The following NFE2L2 variants were observed in gnomAD, a reference collection of about 807,000 sequenced individuals.
The protein encoded by NFE2L2 is NFE2 like bZIP transcription factor 2, also known as nuclear factor erythroid 2-related factor 2.
NFE2L2 carries 20 observed loss-of-function variants against 49.6 expected under a neutral mutation model. The observed-to-expected ratio is 0.40, with a 90% CI of 0.28 to 0.59. The LOEUF (loss-of-function observed/expected upper bound fraction) is 0.59. Among genes scored for constraint, NFE2L2 ranks in the 20% least tolerant of loss-of-function variants. NFE2L2 has a pLI of 0.40. For missense variants in NFE2L2, 578 were observed against 714.2 expected (o/e 0.81, Z 2.17); for synonymous variants, 244 against 256.5 (o/e 0.95, Z 0.47).
At chr2:177,236,941 C>T (rs1689771492) in intron 1 of NFE2L2, among the ~76,000 whole-genome samples, 1 of 152,106 alleles carries the variant, frequency 6.6e-6, no homozygotes, top group Non-Finnish European at 1.5e-5. Flanking sequence ...AATCATGGCT[C>T]ACTGCAGCCT....
intron 1 of NFE2L2, among the ~76,000 whole-genome samples, chr2:177,237,509 A>G (rs1689790313): frequency 6.6e-6 from 1 of 152,040 alleles, no homozygotes; most frequent in Non-Finnish European, 1.5e-5. Flanking sequence ...AAAGGTATAG[A>G]GAAACCTACT....
intron 1 of NFE2L2, among the ~76,000 whole-genome samples, chr2:177,256,228 CA>C (rs1690517916): frequency 6.6e-6 from 1 of 152,042 alleles, no homozygotes; most frequent in Non-Finnish European, 1.5e-5. Flanking sequence ...GTTACCTTCA[CA>C]AAAGGCAACA....
At chr2:177,244,778 G>A (rs544650141) in intron 1 of NFE2L2, among the ~76,000 whole-genome samples, 16 of 152,084 alleles carry the variant, frequency 1.1e-4, no homozygotes, top group East Asian at 1.9e-4. Context: ...AGGCCGAGGC[G>A]GGCGGATCAC....
At chr2:177,232,722 T>C (rs1219977643) in intron 3 of NFE2L2, 139 bp from the exon 4 acceptor site, 5 of 773,238 alleles carry the variant, frequency 6.5e-6, no homozygotes, top group Non-Finnish European at 8.1e-6. Flanking sequence ...ACCCCGTTTG[T>C]AAATAACAAA....
rs759134591 is a variant in NFE2L2 at position 177,232,033 on chromosome 2, A to AT, written c.595-26dup. ...ACTGCATGAGAAGGAAGTTTATACT[A>AT]TATAAATCAAAGTTAATCCATGATA... On this transcript the variant is annotated intron_variant, in intron 4 of 4. Transcript: ENST00000397062. 3.2e-6 allele frequency: 5 copies of AT among 1,544,942 alleles called. No homozygotes were observed. In the South Asian group the frequency reaches 6.3e-5, roughly 20 times the overall value.
chr2:177,233,067 T>TTGTA, intron 3 of NFE2L2, 183 bp downstream of exon 3: 3 of 569,642 alleles, frequency 5.3e-6, no homozygotes, highest in South Asian at 5.1e-5. Flanking sequence ...TTTTTCTTAA[T>TTGTA]TGTAAAGTTA....
intron 1 of NFE2L2, among the ~76,000 whole-genome samples, chr2:177,253,350 C>T (rs1248463167): frequency 1.3e-5 from 2 of 152,192 alleles, no homozygotes; most frequent in Non-Finnish European, 2.9e-5. Context: ...ATTACGTAAG[C>T]ACCAGGCATG....
intron 1 of NFE2L2, among the ~76,000 whole-genome samples, chr2:177,236,833 GT>G (rs989431908): frequency 5.3e-5 from 8 of 151,568 alleles, no homozygotes; most frequent in East Asian, 1.9e-4. Flanking sequence ...ATTTTTTCGG[GT>G]TTTTTTTCCA....
chr2:177,248,038 G>A (rs2105477974), intron 1 of NFE2L2, among the ~76,000 whole-genome samples: 1 of 152,270 alleles, frequency 6.6e-6, no homozygotes, highest in East Asian at 1.9e-4. Context: ...GTGTTTACTG[G>A]CCACTAAACT....
At chr2:177,259,485 G>A (rs552310859) in intron 1 of NFE2L2, among the ~76,000 whole-genome samples, 3 of 152,244 alleles carry the variant, frequency 2.0e-5, no homozygotes, top group East Asian at 3.9e-4. Context: ...GATTAAACGT[G>A]CCTCCCCTAC....
At chr2:177,233,852 C>A in intron 2 of NFE2L2, 153 bp downstream of exon 2, 1 of 952,760 alleles carries the variant, frequency 1.0e-6, no homozygotes, top group Non-Finnish European at 1.5e-6. Context: ...AGGTTAGGTA[C>A]TGAACTCATC....
intron 1 of NFE2L2, among the ~76,000 whole-genome samples, chr2:177,254,965 T>C (rs562336132): frequency 3.3e-5 from 5 of 152,310 alleles, no homozygotes; most frequent in Non-Finnish European, 4.4e-5. Context: ...TTTCACACCA[T>C]AGGAAGTGAG....
In NFE2L2 at chr2:177,231,872, G is replaced by T. The variant is rs1415279225; in HGVS notation, c.731C>A (p.Pro244Gln). The T allele has an allele frequency of 6.2e-7, 1 of 1,614,010 alleles. No individual in the cohort carries two copies. The highest frequency in any genetic ancestry group is 1.7e-5 in the Admixed American group (1 of 59,992). The change falls in exon 5 of 5, where the codon CCA (proline) becomes CAA (glutamine). Residue 244 changes from proline (P) to glutamine (Q), a missense_variant. By Grantham distance (76) the Pro-to-Gln change is moderately conservative. Coordinates refer to ENST00000397062, the MANE Select transcript of NFE2L2 (RefSeq NM_006164.5). ...ATCCTCAAAAGCATTAAGAAAATGT[G>T]GACTACAGTTACCTACTTCTTTTTC... Reference protein sequence around the residue: ...SMEKEVGNCSPHFLNAFEDSF... With the variant: ...SMEKEVGNCSQHFLNAFEDSF...
chr2:177,263,241 T>C (rs1362612592), intron 1 of NFE2L2, among the ~76,000 whole-genome samples: 1 of 152,264 alleles, frequency 6.6e-6, no homozygotes, highest in Admixed American at 6.5e-5. Flanking sequence ...TTCCACTCTC[T>C]GCCCCTGCAG....
intron 1 of NFE2L2, among the ~76,000 whole-genome samples, chr2:177,259,108 C>A (rs2105494028): frequency 6.6e-6 from 1 of 152,240 alleles, no homozygotes; most frequent in East Asian, 1.9e-4. Flanking sequence ...TCGGGATCAG[C>A]CTGGCCAACA....
chr2:177,253,469 G>A (rs903068934), intron 1 of NFE2L2, among the ~76,000 whole-genome samples: 4 of 152,190 alleles, frequency 2.6e-5, no homozygotes, highest in African/African-American at 9.7e-5. Context: ...TGTCCCTCAA[G>A]GGGGATACGT....
At chr2:177,237,664 G>GCC (rs1689795601) in intron 1 of NFE2L2, among the ~76,000 whole-genome samples, 1 of 152,160 alleles carries the variant, frequency 6.6e-6, no homozygotes, top group Non-Finnish European at 1.5e-5. Flanking sequence ...GATTACAGGT[G>GCC]CGTGCCACCA....
chr2:177,263,718 T>TGCCCTCGCCCGCA, intron 1 of NFE2L2: 1 of 985,428 alleles, frequency 1.0e-6, no homozygotes, highest in Non-Finnish European at 1.2e-6. Flanking sequence ...CAGAGTCCAC[T>TGCCCTCGCCCGCA]GCCCTCGCCC....
chr2:177,247,684 CAAAAA>C (rs57701650), intron 1 of NFE2L2, among the ~76,000 whole-genome samples: 3 of 56,322 alleles, frequency 5.3e-5, no homozygotes, highest in Non-Finnish European at 7.7e-5. Context: ...CCCCACCCCG[CAAAAA>C]AAAAAAAAAA....
Sources: allele counts gnomAD v4.1 joint callset (sites outside exome capture counted in the v4.1 genomes callset), GRCh38; gene constraint gnomAD v4.1.1; transcripts MANE v1.5; gene names NCBI Gene and HGNC (gene_info 2026-07-23, HGNC 2026-07-21).